Variants in MGAT4C observed in about 807,000 individuals in gnomAD.
MGAT4C encodes the protein alpha-1,3-mannosyl-glycoprotein 4-beta-N-acetylglucosaminyltransferase C.
Under a neutral mutation model 40.1 loss-of-function variants are expected in MGAT4C, and 19 were observed. The ratio of observed to expected loss-of-function variants is 0.47; its 90% CI spans 0.33 to 0.70. The LOEUF (loss-of-function observed/expected upper bound fraction) is 0.70, where lower values mean the gene tolerates loss of function less well. MGAT4C is among the 30% of genes least tolerant of loss of function. The pLI is 0.02. For missense variants in MGAT4C, 491 were observed against 563.2 expected (o/e 0.87, Z 1.30); for synonymous variants, 181 against 187.1 (o/e 0.97, Z 0.27).
chr12:86,814,507 C>A (rs1952561815), intron 1 of MGAT4C, among the ~76,000 whole-genome samples: 2 of 150,782 alleles, frequency 1.3e-5, no homozygotes, highest in Middle Eastern at 3.5e-3. Flanking sequence ...ATATTAATTC[C>A]AATGCTCTTA....
intron 2 of MGAT4C, among the ~76,000 whole-genome samples, chr12:86,444,296 A>G (rs1957293342): frequency 6.6e-6 from 1 of 152,112 alleles, no homozygotes; most frequent in African/African-American, 2.4e-5. Flanking sequence ...TTTCAATCCC[A>G]GGCTCATTTG....
chr12:86,367,160 A>T (rs948913580), intron 3 of MGAT4C, among the ~76,000 whole-genome samples: 1 of 151,952 alleles, frequency 6.6e-6, no homozygotes, highest in African/African-American at 2.4e-5. Flanking sequence ...CATGCATTTC[A>T]AGGAAATCAC....
chr12:86,261,421 C>G (rs574666145), intron 4 of MGAT4C, among the ~76,000 whole-genome samples: 1 of 152,146 alleles, frequency 6.6e-6, no homozygotes, highest in Non-Finnish European at 1.5e-5. Context: ...GACCAATTTT[C>G]TTACTGGTCA....
At chr12:86,669,817 A>G (rs1292967297) in intron 2 of MGAT4C, among the ~76,000 whole-genome samples, 1 of 152,208 alleles carries the variant, frequency 6.6e-6, no homozygotes, top group African/African-American at 2.4e-5. Flanking sequence ...GATCAAGAAT[A>G]TGCCCAGCCA....
At chr12:86,059,599 T>A (rs1893736992) in intron 1 of MGAT4C, among the ~76,000 whole-genome samples, 2 of 152,320 alleles carry the variant, frequency 1.3e-5, no homozygotes, top group South Asian at 4.1e-4. Flanking sequence ...ATCCCTGCTA[T>A]CAGAGCAGAC....
At chr12:86,425,690 A>T (rs577244899) in intron 3 of MGAT4C, among the ~76,000 whole-genome samples, 1 of 152,302 alleles carries the variant, frequency 6.6e-6, no homozygotes, top group East Asian at 1.9e-4. Context: ...TGACTCCAAA[A>T]TCTTGCACCA....
chr12:86,456,156 T>G (rs1229700336), intron 2 of MGAT4C, among the ~76,000 whole-genome samples: 2 of 152,156 alleles, frequency 1.3e-5, no homozygotes, highest in Admixed American at 1.3e-4. Flanking sequence ...TTCACTAGGC[T>G]GGAAGACAAA....
At position 86,511,192 on chromosome 12, in the gene MGAT4C, C is replaced by A. The variant is rs1048967255; in HGVS notation, c.-228-75927G>T. ...AGAACTCAGGATTAAGAATCTCACT[C>A]AAAACCGCTCAACTACATGGAAACT... On this transcript the variant is annotated intron_variant, in intron 2 of 7. Transcript: ENST00000548651. Among the ~76,000 whole-genome samples, 8 of 152,076 alleles carry A rather than the reference C, an allele frequency of 5.3e-5. No individual in the cohort carries two copies. The East Asian group carries it at 1.4e-3, about 26-fold the overall frequency.
chr12:86,721,740 G>C (rs543053859), intron 2 of MGAT4C, among the ~76,000 whole-genome samples: 1 of 152,142 alleles, frequency 6.6e-6, no homozygotes. Context: ...GTGACCATAA[G>C]GCTTTATATA....
chr12:86,471,453 A>G (rs979521902), intron 2 of MGAT4C, among the ~76,000 whole-genome samples: 1 of 152,026 alleles, frequency 6.6e-6, no homozygotes, highest in African/African-American at 2.4e-5. Flanking sequence ...ATATATTGCA[A>G]TCCCTAGGAA....
At chr12:86,494,487 A>G (rs1284427715) in intron 2 of MGAT4C, among the ~76,000 whole-genome samples, 3 of 151,924 alleles carry the variant, frequency 2.0e-5, no homozygotes, top group African/African-American at 7.2e-5. Flanking sequence ...TACAAACAAT[A>G]AATCAAAATA....
At chr12:86,345,859 A>C (rs917797427) in intron 3 of MGAT4C, among the ~76,000 whole-genome samples, 1 of 152,160 alleles carries the variant, frequency 6.6e-6, no homozygotes, top group Non-Finnish European at 1.5e-5. Flanking sequence ...AACTAGTTTA[A>C]AGTCCCACCA....
At position 86,305,214 on chromosome 12, in the gene MGAT4C, C is replaced by T. The variant is rs28570198; in HGVS notation, c.-57+28851G>A. On this transcript the variant is annotated intron_variant, in intron 4 of 7. Coordinates refer to the MGAT4C transcript ENST00000548651. Reference sequence around the variant, plus strand: ...CAGCACTTTGGGAGGCCGAAGCAGGCGGATCACCTGAGGTTGGGAGTTCAA... The same window carrying T: ...CAGCACTTTGGGAGGCCGAAGCAGGTGGATCACCTGAGGTTGGGAGTTCAA... Among the ~76,000 whole-genome samples the T allele has an allele frequency of 2.7e-5, 4 of 150,178 alleles. 1 individual carries two copies. Among genetic ancestry groups the T allele is most frequent in the African/African-American group, 7.6e-5 (3 of 39,734 alleles).
chr12:86,635,047 A>G (rs1404008025), intron 2 of MGAT4C, among the ~76,000 whole-genome samples: 1 of 152,114 alleles, frequency 6.6e-6, no homozygotes. Context: ...TTACTTAGAA[A>G]AATTTTCTAG....
intron 1 of MGAT4C, among the ~76,000 whole-genome samples, chr12:86,240,620 T>A (rs1160939766): frequency 6.6e-6 from 1 of 152,154 alleles, no homozygotes; most frequent in Non-Finnish European, 1.5e-5. Context: ...TTTAATCATT[T>A]GTTTAATCCT....
intron 2 of MGAT4C, among the ~76,000 whole-genome samples, chr12:86,563,204 T>C (rs892715987): frequency 6.6e-6 from 1 of 152,208 alleles, no homozygotes; most frequent in African/African-American, 2.4e-5. Flanking sequence ...GTGGGAACCA[T>C]AGTCACTCAA....
At chr12:86,498,070 T>C (rs926693978) in intron 2 of MGAT4C, among the ~76,000 whole-genome samples, 24 of 149,638 alleles carry the variant, frequency 1.6e-4, no homozygotes, top group African/African-American at 2.4e-5. Flanking sequence ...TTATGTGCCA[T>C]TACTGTAGTA....
intron 2 of MGAT4C, among the ~76,000 whole-genome samples, chr12:85,995,688 T>C (rs11117149): frequency 0.26 from 38,855 of 151,970 alleles, 5,651 homozygotes; most frequent in Non-Finnish European, 0.33. Context: ...GGCAACATAG[T>C]GAGACCCCAT....
In MGAT4C at chr12:86,174,031, A is replaced by G. The variant is rs117145226; in HGVS notation, c.-57+82208T>C. Among the ~76,000 whole-genome samples, 5 of 152,036 alleles carry G rather than the reference A, an allele frequency of 3.3e-5. No homozygotes were observed. In the East Asian group the frequency reaches 9.7e-4, roughly 29 times the overall value. On this transcript the variant is annotated intron_variant, in intron 1 of 4. Transcript: ENST00000611864. ...GAGAAAGGAAAATAGCCAGTAGCAC[A>G]GTATTTAGTAAATGCCCCAAATGCC...
Sources: gnomAD v4.1 joint callset for allele counts (sites outside exome capture counted in the v4.1 genomes callset) on GRCh38, gnomAD v4.1.1 for gene constraint, MANE v1.5 for transcripts, NCBI Gene and HGNC (gene_info 2026-07-23, HGNC 2026-07-21) for gene names.